Variants in LINC00632 observed in about 807,000 individuals in gnomAD.
The protein encoded by LINC00632 is long independently transcribed non-coding RNA 632.
At chrX:140,724,954 TACAC>T (rs770568241) in intron 2 of LINC00632, among the ~76,000 whole-genome samples, 2 of 54,881 alleles carry the variant, frequency 3.6e-5, no homozygotes, top group African/African-American at 7.1e-5. Flanking sequence ...ACTCATTCCA[TACAC>T]ACACAGAGAC....
chrX:140,752,751 C>T (rs1391609277), intron 3 of LINC00632, among the ~76,000 whole-genome samples: 1 of 111,731 alleles, frequency 9.0e-6, no homozygotes, highest in Admixed American at 9.6e-5. Flanking sequence ...GTCAAAACTG[C>T]CTGTCACTTG....
rs184606801 is a variant in LINC00632 at position 140,723,184 on chromosome X, T to C, written n.105-10694T>C. ...GTGCAGATATACAGCAGTACTCACC[T>C]CAAATTACAGAAAGTCATACAACAA... On this transcript the variant is annotated intron_variant and non_coding_transcript_variant, in intron 2 of 4. Transcript: ENST00000648200. Among the ~76,000 whole-genome samples the C allele has an allele frequency of 5.9e-3, 342 of 57,924 alleles. 1 individual carries two copies. Among genetic ancestry groups the C allele is most frequent in the African/African-American group, 0.02 (327 of 16,678 alleles). 50.3% of individuals were successfully genotyped at this position (57,924 alleles called of 115,157 possible).
At chrX:140,730,892 ATTTC>A (rs1216230906) in intron 2 of LINC00632, among the ~76,000 whole-genome samples, 6 of 109,562 alleles carry the variant, frequency 5.5e-5, no homozygotes, top group Admixed American at 9.8e-5. Flanking sequence ...AAGTGACTTC[ATTTC>A]TTTCTTTCTT....
intron 3 of LINC00632, among the ~76,000 whole-genome samples, chrX:140,751,455 G>A (rs1305225883): frequency 9.0e-6 from 1 of 110,719 alleles, no homozygotes; most frequent in Non-Finnish European, 1.9e-5. Context: ...AATAATCACC[G>A]TGAGACCAAA....
exon 5 of LINC00632, chrX:140,784,402 TGTCTTCCAACTAAGCTAC>T: frequency 4.2e-6 from 5 of 1,197,111 alleles, no homozygotes; most frequent in Non-Finnish European, 5.6e-6. Context: ...AGAAAATATA[TGTCTTCCAACTAAGCTAC>T]GTCTTCCAAC....
chrX:140,742,154 A>T lies in LINC00632; in HGVS notation n.191+8190A>T, dbSNP rs1016069509. On this transcript the variant is annotated intron_variant and non_coding_transcript_variant, in intron 3 of 4. Transcript: ENST00000648200. ...AATATATTGGTTACATCTTACCTAA[A>T]GAAAGCTTTCCCAGGGGCACTTTGT... Among the ~76,000 whole-genome samples the T allele has an allele frequency of 3.6e-5, 4 of 111,938 alleles. No individual in the cohort carries two copies. In the Admixed American group the frequency reaches 3.8e-4, roughly 11 times the overall value.
exon 5 of LINC00632, among the ~76,000 whole-genome samples, chrX:140,774,503 T>C (rs1159812531): frequency 9.0e-6 from 1 of 111,473 alleles, no homozygotes; most frequent in African/African-American, 3.3e-5. Context: ...ACCTTGGGAT[T>C]CAGACTCTGA....
intron 3 of LINC00632, among the ~76,000 whole-genome samples, chrX:140,742,877 G>GAGAGAGAGAGAGGA (rs1209141726): frequency 1.1e-5 from 1 of 94,408 alleles, no homozygotes; most frequent in African/African-American, 4.1e-5. Flanking sequence ...GAGAGAGAGA[G>GAGAGAGAGAGAGGA]AGGAAGGAAG....
chrX:140,784,447 A>G (rs1405671275), exon 5 of LINC00632: 3 of 1,105,086 alleles, frequency 2.7e-6, no homozygotes, highest in East Asian at 6.0e-5. Flanking sequence ...ATGTCTTCCT[A>G]TATCTCCAGG....
exon 5 of LINC00632, among the ~76,000 whole-genome samples, chrX:140,775,372 G>GA (rs1216577164): frequency 3.6e-5 from 4 of 111,400 alleles, no homozygotes; most frequent in South Asian, 7.5e-4. Context: ...TTTAACAGAG[G>GA]AAAAAAAACC....
intron 3 of LINC00632, among the ~76,000 whole-genome samples, chrX:140,760,942 A>T (rs1931585587): frequency 8.9e-6 from 1 of 111,782 alleles, no homozygotes; most frequent in East Asian, 2.8e-4. Flanking sequence ...CTAGCAATAA[A>T]ACTATTTCTT....
intron 3 of LINC00632, among the ~76,000 whole-genome samples, chrX:140,742,877 G>GAGAA (rs1209141726): frequency 8.0e-4 from 76 of 94,436 alleles, no homozygotes; most frequent in African/African-American, 3.0e-3. Context: ...GAGAGAGAGA[G>GAGAA]AGGAAGGAAG....
chrX:140,749,447 C>T (rs1931378060), intron 3 of LINC00632, among the ~76,000 whole-genome samples: 1 of 110,915 alleles, frequency 9.0e-6, no homozygotes, highest in South Asian at 3.8e-4. Context: ...TAGTGAATAA[C>T]AAAGACTGGA....
exon 4 of LINC00632, chrX:140,772,475 G>A (rs993059292): frequency 1.4e-5 from 4 of 291,634 alleles, no homozygotes; most frequent in Admixed American, 6.3e-5. Context: ...GCGTGAGTTA[G>A]GGGTGAGAAT....
intron 3 of LINC00632, among the ~76,000 whole-genome samples, chrX:140,747,123 A>G (rs971543258): frequency 9.8e-5 from 11 of 112,523 alleles, no homozygotes; most frequent in African/African-American, 3.2e-4. Context: ...TAAATGCAAC[A>G]AAAACTTTGT....
chrX:140,723,860 C>T (rs1431493634), intron 2 of LINC00632, among the ~76,000 whole-genome samples: 1 of 21,190 alleles, frequency 4.7e-5, no homozygotes, highest in Middle Eastern at 0.038. Context: ...ACACACATTC[C>T]ATACACACAC....
At chrX:140,771,612 TAC>T (rs77229499) in intron 3 of LINC00632, among the ~76,000 whole-genome samples, 17,072 of 79,450 alleles carry the variant, frequency 0.21, 1,659 homozygotes, top group African/African-American at 0.23. Context: ...TTGGCATATA[TAC>T]ACACACACAC....
intron 3 of LINC00632, among the ~76,000 whole-genome samples, chrX:140,738,799 A>G (rs1018386617): frequency 1.8e-4 from 20 of 112,407 alleles, no homozygotes; most frequent in Non-Finnish European, 3.6e-4. Context: ...ACTTTTAAAA[A>G]ATGTTGCAAC....
chrX:140,774,308 G>T (rs1931845267), intron 4 of LINC00632, among the ~76,000 whole-genome samples: 1 of 112,070 alleles, frequency 8.9e-6, no homozygotes, highest in Non-Finnish European at 1.9e-5. Flanking sequence ...TGACTTTCAG[G>T]TAAGGCTTAG....
Sources: gnomAD v4.1 joint callset for allele counts (sites outside exome capture counted in the v4.1 genomes callset) on GRCh38, gnomAD v4.1.1 for gene constraint, MANE v1.5 for transcripts, NCBI Gene and HGNC (gene_info 2026-07-23, HGNC 2026-07-21) for gene names.